CNTNAP2: variants seen among roughly 807,000 people sequenced by gnomAD.
CNTNAP2 encodes the protein contactin-associated protein-like 2.
CNTNAP2 carries 98 observed loss-of-function variants against 155.2 expected under a neutral mutation model. The ratio of observed to expected loss-of-function variants is 0.63; its 90% CI spans 0.54 to 0.75. The LOEUF is 0.75. CNTNAP2 is among the 30% of genes least tolerant of loss of function. The pLI is 0.00. For missense variants in CNTNAP2, 1,727 were observed against 1,688.1 expected (o/e 1.02, Z -0.40); for synonymous variants, 651 against 631.2 (o/e 1.03, Z -0.47).
chr7:147,693,820 T>C (rs1335977374), intron 13 of CNTNAP2, among the ~76,000 whole-genome samples: 2 of 152,080 alleles, frequency 1.3e-5, no homozygotes, highest in African/African-American at 4.8e-5. Flanking sequence ...CTCTCCAATA[T>C]GTATACCTTT....
intron 1 of CNTNAP2, among the ~76,000 whole-genome samples, chr7:146,291,040 C>A (rs922833377): frequency 6.6e-6 from 1 of 152,180 alleles, no homozygotes; most frequent in Non-Finnish European, 1.5e-5. Flanking sequence ...CCATTTCATT[C>A]TGCTTTTCTC....
intron 13 of CNTNAP2, among the ~76,000 whole-genome samples, chr7:147,732,131 G>A (rs1030151437): frequency 4.0e-5 from 6 of 151,766 alleles, no homozygotes; most frequent in Non-Finnish European, 8.8e-5. Context: ...TTGGTGTGCT[G>A]CACCCGTTAA....
At chr7:147,156,619 A>T (rs17170339) in intron 8 of CNTNAP2, among the ~76,000 whole-genome samples, 1 of 152,098 alleles carries the variant, frequency 6.6e-6, no homozygotes. Flanking sequence ...TCTTAAAAGA[A>T]TTTTGAGAGG....
At chr7:148,224,093 GC>G (rs1795799383) in intron 19 of CNTNAP2, among the ~76,000 whole-genome samples, 1 of 152,038 alleles carries the variant, frequency 6.6e-6, no homozygotes, top group South Asian at 2.1e-4. Context: ...AAAAAGCTGT[GC>G]TTTGCACAGG....
At chr7:146,179,871 AT>A (rs1798525449) in intron 1 of CNTNAP2, among the ~76,000 whole-genome samples, 2 of 152,328 alleles carry the variant, frequency 1.3e-5, no homozygotes, top group African/African-American at 4.8e-5. Context: ...GATAAAAAAT[AT>A]TTTTATGGCA....
intron 13 of CNTNAP2, among the ~76,000 whole-genome samples, chr7:147,669,394 T>G (rs1174355775): frequency 1.3e-5 from 2 of 152,250 alleles, no homozygotes; most frequent in East Asian, 3.8e-4. Flanking sequence ...AACATATCTT[T>G]GCATAGGTCC....
intron 13 of CNTNAP2, among the ~76,000 whole-genome samples, chr7:147,778,904 G>A (rs1006421179): frequency 1.3e-5 from 2 of 152,118 alleles, no homozygotes; most frequent in African/African-American, 4.8e-5. Flanking sequence ...CAAACCCATA[G>A]TTGACCTCTT....
intron 3 of CNTNAP2, among the ~76,000 whole-genome samples, chr7:146,994,845 G>A (rs1168592963): frequency 6.6e-6 from 1 of 150,608 alleles, no homozygotes; most frequent in Non-Finnish European, 1.5e-5. Context: ...AGTTATTTTT[G>A]TGGTGAGAAC....
intron 11 of CNTNAP2, among the ~76,000 whole-genome samples, chr7:147,547,630 A>AAC (rs55909556): frequency 2.5e-3 from 286 of 116,066 alleles, no homozygotes; most frequent in Non-Finnish European, 3.1e-3. Flanking sequence ...ATTTCTTCTA[A>AAC]ACACACACAC....
chr7:148,000,181 C>A (rs1309109294), intron 15 of CNTNAP2, among the ~76,000 whole-genome samples: 1 of 151,980 alleles, frequency 6.6e-6, no homozygotes, highest in Admixed American at 6.5e-5. Flanking sequence ...GTGAGGACAC[C>A]CACCGCTCCC....
At chr7:148,111,909 T>A (rs763920032) in intron 15 of CNTNAP2, among the ~76,000 whole-genome samples, 88 of 152,080 alleles carry the variant, frequency 5.8e-4, no homozygotes, top group Non-Finnish European at 8.2e-4. Flanking sequence ...AAAATGAGAG[T>A]GTAGACCTAG....
At position 146,670,899 on chromosome 7, in the gene CNTNAP2, C is replaced by G. The variant is rs116219529; in HGVS notation, c.98-103372C>G. On this transcript the variant is annotated intron_variant, in intron 1 of 23. Coordinates refer to ENST00000361727, the MANE Select transcript of CNTNAP2 (RefSeq NM_014141.6). ...CTAAGATCCCTGTCTTATTCATGTA[C>G]AAGAGTTTTGAGAGAAGGCAACCCC... 5.5e-3 allele frequency among the ~76,000 whole-genome samples: 835 copies of G among 152,268 alleles called. 4 individuals carry two copies. The highest frequency in any genetic ancestry group is 0.019 in the African/African-American group (796 of 41,538).
intron 8 of CNTNAP2, among the ~76,000 whole-genome samples, chr7:147,239,165 T>C (rs1391565712): frequency 6.6e-6 from 1 of 151,822 alleles, no homozygotes; most frequent in Non-Finnish European, 1.5e-5. Flanking sequence ...CTCTGCTTGA[T>C]AAAAACATTG....
At chr7:146,289,345 G>T (rs1382445677) in intron 1 of CNTNAP2, among the ~76,000 whole-genome samples, 1 of 152,304 alleles carries the variant, frequency 6.6e-6, no homozygotes, top group African/African-American at 2.4e-5. Context: ...TTAAAATGTA[G>T]AATGCAGAGA....
chr7:147,087,213 A>G (rs867403496), intron 4 of CNTNAP2, among the ~76,000 whole-genome samples: 3 of 152,158 alleles, frequency 2.0e-5, no homozygotes, highest in Middle Eastern at 3.2e-3. Context: ...ATTGTCTTAG[A>G]AACGTTAAGT....
At chr7:146,930,745 A>C (rs1416243918) in intron 3 of CNTNAP2, among the ~76,000 whole-genome samples, 1 of 152,192 alleles carries the variant, frequency 6.6e-6, no homozygotes, top group African/African-American at 2.4e-5. Flanking sequence ...AGGAAGATCT[A>C]CCAAGCAAAT....
intron 1 of CNTNAP2, among the ~76,000 whole-genome samples, chr7:146,267,861 G>C (rs1339634561): frequency 1.3e-5 from 2 of 152,124 alleles, no homozygotes; most frequent in Non-Finnish European, 2.9e-5. Flanking sequence ...AAATTAAAAA[G>C]AGCTATGATA....
intron 1 of CNTNAP2, among the ~76,000 whole-genome samples, chr7:146,256,387 C>T (rs1399654223): frequency 6.6e-6 from 1 of 151,906 alleles, no homozygotes; most frequent in East Asian, 1.9e-4. Flanking sequence ...TATGTAAGGT[C>T]CATTCTGTGA....
chr7:147,294,799 C>G (rs1471492028), intron 8 of CNTNAP2, among the ~76,000 whole-genome samples: 1 of 151,976 alleles, frequency 6.6e-6, no homozygotes, highest in Non-Finnish European at 1.5e-5. Flanking sequence ...GCTGGGATTA[C>G]AAGTGCCCAC....
Sources: allele counts gnomAD v4.1 joint callset (sites outside exome capture counted in the v4.1 genomes callset), GRCh38; gene constraint gnomAD v4.1.1; transcripts MANE v1.5; gene names NCBI Gene and HGNC (gene_info 2026-07-23, HGNC 2026-07-21).